SH3RF1: variants seen among roughly 807,000 people sequenced by gnomAD.
SH3RF1 encodes the protein E3 ubiquitin-protein ligase SH3RF1.
A neutral mutation model predicts 74.0 loss-of-function variants in SH3RF1; 32 were observed. That is an observed-to-expected ratio of 0.43 (90% CI 0.33 to 0.58). The LOEUF (loss-of-function observed/expected upper bound fraction) is 0.58, where lower values mean the gene tolerates loss of function less well. Among genes scored for constraint, SH3RF1 ranks in the 20% least tolerant of loss-of-function variants. The probability of loss-of-function intolerance (pLI) is 0.05; values close to 1 mark genes in which losing one functional copy is unlikely to be tolerated. For synonymous variants in SH3RF1, 396 were observed against 439.6 expected (o/e 0.90, Z 1.24); for missense variants, 954 against 1,130.9 (o/e 0.84, Z 2.24).
intron 2 of SH3RF1, among the ~76,000 whole-genome samples, chr4:169,265,636 G>A (rs965963858): frequency 2.0e-5 from 3 of 152,008 alleles, no homozygotes; most frequent in Admixed American, 2.0e-4. Context: ...ACCACACCCG[G>A]CTAATTTTGT....
intron 2 of SH3RF1, among the ~76,000 whole-genome samples, chr4:169,204,603 T>C (rs1479128863): frequency 1.4e-5 from 2 of 145,262 alleles, no homozygotes; most frequent in African/African-American, 2.6e-5. Flanking sequence ...CAGGCTGGAG[T>C]GCAGTGGCGT....
At chr4:169,098,690 G>A (rs1207707628) in intron 11 of SH3RF1, among the ~76,000 whole-genome samples, 1 of 152,178 alleles carries the variant, frequency 6.6e-6, no homozygotes, top group East Asian at 1.9e-4. Flanking sequence ...GTTTGATCAA[G>A]CATGGAATGA....
chr4:169,117,898 A>T, intron 8 of SH3RF1, 116 bp from the exon 9 acceptor site: 1 of 1,239,720 alleles, frequency 8.1e-7, no homozygotes, highest in East Asian at 2.6e-5. Flanking sequence ...TTAAAAAATG[A>T]ATGGAATTAT....
At chr4:169,161,477 T>C (rs1446263677) in intron 2 of SH3RF1, among the ~76,000 whole-genome samples, 2 of 152,222 alleles carry the variant, frequency 1.3e-5, no homozygotes, top group African/African-American at 4.8e-5. Flanking sequence ...GGTATTCCAA[T>C]ACATCTGGCA....
intron 4 of SH3RF1, among the ~76,000 whole-genome samples, chr4:169,147,946 A>T (rs1733919866): frequency 6.6e-6 from 1 of 152,088 alleles, no homozygotes; most frequent in South Asian, 2.1e-4. Context: ...CAATAATAAA[A>T]TATTTAAATA....
intron 2 of SH3RF1, among the ~76,000 whole-genome samples, chr4:169,197,985 AC>A (rs1055310134): frequency 1.6e-4 from 24 of 152,194 alleles, no homozygotes; most frequent in Non-Finnish European, 1.0e-4. Flanking sequence ...ATACAAAGTG[AC>A]CCCTCAAAAT....
intron 11 of SH3RF1, among the ~76,000 whole-genome samples, chr4:169,103,750 T>C (rs1733081919): frequency 6.6e-6 from 1 of 152,206 alleles, no homozygotes; most frequent in Non-Finnish European, 1.5e-5. Context: ...CATCACTGTA[T>C]GAAAGCAAAG....
chr4:169,134,628 C>A (rs1481862879), intron 5 of SH3RF1, among the ~76,000 whole-genome samples: 8 of 152,196 alleles, frequency 5.3e-5, no homozygotes, highest in Non-Finnish European at 2.9e-5. Flanking sequence ...TCCTTCAGAA[C>A]CTTACTCAAA....
intron 4 of SH3RF1, among the ~76,000 whole-genome samples, chr4:169,146,051 AATATT>A (rs1194082062): frequency 7.8e-6 from 1 of 128,280 alleles, no homozygotes; most frequent in Non-Finnish European, 1.7e-5. Context: ...TTCTATATAA[AATATT>A]ATATATTCTA....
Position 169,269,039 on chromosome 4 carries a change from C to A in SH3RF1, c.174G>T (p.Ser58=), listed in dbSNP as rs141769951. Residue 58 remains serine, a synonymous_variant, in exon 2 of 12, where the codon TCG becomes TCT. Coordinates refer to ENST00000284637, the MANE Select transcript of SH3RF1 (RefSeq NM_020870.4). ...RCPECRTLVG[S]GVEELPSNIL... ...TGTTACTGGGAAGCTCCTCGACACC[C>A]GAGCCAACAAGAGTCCTGCACTCGG... The A allele has an allele frequency of 6.2e-5, 100 of 1,614,130 alleles. No individual in the cohort carries two copies. In the Middle Eastern group the frequency reaches 9.9e-4, roughly 16 times the overall value.
chr4:169,199,175 T>C (rs1374944820), intron 2 of SH3RF1, among the ~76,000 whole-genome samples: 1 of 152,188 alleles, frequency 6.6e-6, no homozygotes, highest in Admixed American at 6.5e-5. Flanking sequence ...CTCATGGTAT[T>C]TGGGAGGCAT....
At chr4:169,215,428 T>C (rs1730446869) in intron 2 of SH3RF1, among the ~76,000 whole-genome samples, 1 of 152,178 alleles carries the variant, frequency 6.6e-6, no homozygotes, top group Non-Finnish European at 1.5e-5. Context: ...TGTCTTTATC[T>C]GGTTTTGGTA....
intron 2 of SH3RF1, among the ~76,000 whole-genome samples, chr4:169,223,072 G>C (rs967618129): frequency 6.6e-6 from 1 of 152,146 alleles, no homozygotes; most frequent in Non-Finnish European, 1.5e-5. Flanking sequence ...AGTGGCATCA[G>C]TCCTCCAACA....
intron 5 of SH3RF1, among the ~76,000 whole-genome samples, chr4:169,136,022 T>C (rs1410059963): frequency 3.3e-5 from 5 of 152,220 alleles, no homozygotes; most frequent in African/African-American, 1.2e-4. Context: ...GAGAAAGTTC[T>C]GTAAGGCTGA....
chr4:169,154,637 G>A (rs1246290054), intron 4 of SH3RF1, among the ~76,000 whole-genome samples: 22 of 152,074 alleles, frequency 1.4e-4, no homozygotes, highest in Non-Finnish European at 2.1e-4. Context: ...ATGTCTCTTA[G>A]TTAACCCTTA....
In SH3RF1 at chr4:169,265,867, G is replaced by A. The variant is rs187252400; in HGVS notation, c.393+2953C>T. 6.6e-5 allele frequency among the ~76,000 whole-genome samples: 10 copies of A among 152,258 alleles called. No individual in the cohort carries two copies. In the East Asian group the frequency reaches 9.6e-4, roughly 15 times the overall value. The stretch of plus-strand genomic sequence containing the variant: ...TGATTCCTTAAATCATTGGAACTGC[G>A]CATAAAAAGCAGAAACTATTAGGTC... On this transcript the variant is annotated intron_variant, in intron 2 of 11. Coordinates refer to ENST00000284637, the MANE Select transcript of SH3RF1 (RefSeq NM_020870.4).
intron 2 of SH3RF1, among the ~76,000 whole-genome samples, chr4:169,213,053 C>T (rs1437011301): frequency 6.6e-6 from 1 of 152,156 alleles, no homozygotes; most frequent in Non-Finnish European, 1.5e-5. Context: ...AGGCAAACAC[C>T]AAGCAATGCA....
At chr4:169,263,263 C>CA (rs1249873098) in intron 2 of SH3RF1, among the ~76,000 whole-genome samples, 1 of 152,158 alleles carries the variant, frequency 6.6e-6, no homozygotes, top group African/African-American at 2.4e-5. Context: ...CCACGAACTA[C>CA]AAAAAAGAAC....
chr4:169,156,524 G>GA lies in SH3RF1; in HGVS notation c.548dup (p.Thr185HisfsTer8). The GA allele has an allele frequency of 6.2e-7, 1 of 1,614,034 alleles. No homozygotes were observed. The highest frequency in any genetic ancestry group is 8.5e-7 in the Non-Finnish European group (1 of 1,179,968). Reference sequence around the variant, plus strand: ...TAATAATCTGCACAAAGTTGGTGGGGAAAAAGCCATGGATTCCATTGACTT... The same window carrying GA: ...TAATAATCTGCACAAAGTTGGTGGGGAAAAAAGCCATGGATTCCATTGACTT... On this transcript the variant is annotated frameshift_variant, in exon 3 of 12. Coordinates refer to ENST00000284637, the MANE Select transcript of SH3RF1 (RefSeq NM_020870.4). LOFTEE classifies it high-confidence loss of function.
Sources: gnomAD v4.1 joint callset for allele counts (sites outside exome capture counted in the v4.1 genomes callset) on GRCh38, gnomAD v4.1.1 for gene constraint, MANE v1.5 for transcripts, NCBI Gene and HGNC (gene_info 2026-07-23, HGNC 2026-07-21) for gene names.